The following TREML4 variants were observed in gnomAD, a reference collection of about 807,000 sequenced individuals.
The protein encoded by TREML4 is triggering receptor expressed on myeloid cells like 4.
In TREML4, 25 loss-of-function variants were observed where a neutral mutation model predicts 25.4. The observed-to-expected ratio is 0.98, with a 90% CI of 0.72 to 1.37. The LOEUF (loss-of-function observed/expected upper bound fraction) is 1.37. TREML4 is among the 40% of genes most tolerant of loss of function. The pLI is 0.00. For synonymous variants in TREML4, 92 were observed against 87.9 expected (o/e 1.05, Z -0.26); for missense variants, 268 against 236.5 (o/e 1.13, Z -0.87).
chr6:41,230,028 TG>T, intron 3 of TREML4, 33 bp from the exon 4 acceptor site: 1 of 1,569,628 alleles, frequency 6.4e-7, no homozygotes, highest in Non-Finnish European at 8.8e-7. Context: ...TCTGGTGCCC[TG>T]GGCAGCCACT....
chr6:41,229,171 A>G (rs2113936468), intron 2 of TREML4, 127 bp downstream of exon 2: 1 of 830,844 alleles, frequency 1.2e-6, no homozygotes, highest in East Asian at 2.6e-5. Flanking sequence ...GTCCAAGGGG[A>G]GCAAAGATCC....
rs367878972 is a variant in TREML4 at position 41,230,042 on chromosome 6, C to T, written c.446-20C>T. On this transcript the variant is annotated intron_variant, in intron 3 of 5. Transcript: ENST00000341495. ...TTCTGGTGCCCTGGGCAGCCACTGT[C>T]TTCTTTGTGTCCTCTTTAGTTCTGA... 2.5e-6 allele frequency: 4 copies of T among 1,602,360 alleles called. No homozygotes were observed. The highest frequency in any genetic ancestry group is 4.5e-5 in the East Asian group (2 of 44,808).
intron 4 of TREML4, among the ~76,000 whole-genome samples, 158 bp downstream of exon 4, chr6:41,230,280 T>C (rs967512146): frequency 3.9e-5 from 6 of 152,048 alleles, no homozygotes; most frequent in African/African-American, 1.4e-4. Context: ...TGACTCAAAA[T>C]TTGGTAGTGA....
rs773387739 is a variant in TREML4, at chr6:41,228,394, TCTCCTCCG to T, written c.-31_-24del. 7 of 1,561,148 alleles carry T rather than the reference TCTCCTCCG, an allele frequency of 4.5e-6. No individual in the cohort carries two copies. The African/African-American group carries it at 9.6e-5, about 21-fold the overall frequency. ...CCTGAGAGGGCTCCCTTTTTTCTCC[TCTCCTCCG>T]CTGTCAGAAACAGATCTGGGCTGGA... is the stretch of plus-strand genomic sequence containing the variant. On this transcript the variant is annotated 5_prime_UTR_variant, in exon 1 of 6. Coordinates refer to ENST00000341495, the MANE Select transcript of TREML4 (RefSeq NM_198153.3).
chr6:41,229,468 C>T (rs1161144587), intron 2 of TREML4, 53 bp from the exon 3 acceptor site: 9 of 1,594,104 alleles, frequency 5.6e-6, no homozygotes, highest in Non-Finnish European at 7.7e-6. Context: ...GGGGTAGACC[C>T]TACTCTCTTC....
At chr6:41,229,880 G>A (rs1178790465) in intron 3 of TREML4, among the ~76,000 whole-genome samples, 182 bp from the exon 4 acceptor site, 3 of 152,194 alleles carry the variant, frequency 2.0e-5, no homozygotes, top group Non-Finnish European at 4.4e-5. Context: ...AGCATGGAGA[G>A]GACAGTGCCA....
chr6:41,234,368 A>AT (rs1766860480), intron 4 of TREML4, among the ~76,000 whole-genome samples: 1 of 152,030 alleles, frequency 6.6e-6, no homozygotes, highest in Non-Finnish European at 1.5e-5. Flanking sequence ...CAAATTAATG[A>AT]GCTAAGGAAG....
intron 1 of TREML4, 85 bp downstream of exon 1, chr6:41,228,575 T>C (rs577991502): frequency 7.6e-5 from 115 of 1,519,128 alleles, no homozygotes; most frequent in African/African-American, 5.5e-4. Flanking sequence ...TGTGTGACCA[T>C]AGGACAGAAT....
Position 41,229,426 on chromosome 6 carries a change from C to T in TREML4, c.395-95C>T, listed in dbSNP as rs1199067507. The T allele has an allele frequency of 1.3e-5, 18 of 1,345,818 alleles. No homozygotes were observed. In the Admixed American group the frequency reaches 3.0e-4, roughly 23 times the overall value. The allele number at this position is 1,345,818 out of a possible 1,614,324, so 83.4% of individuals were successfully genotyped here. On this transcript the variant is annotated intron_variant, in intron 2 of 5. Transcript: ENST00000341495. ...TCCTGGCTTAAGACATCCTGAGGGT[C>T]TGGCTCTGGGCCCCTACCTCCTCTT...
Position 41,230,028 on chromosome 6 carries a change from T to C in TREML4, c.446-34T>C, listed in dbSNP as rs780381394. On this transcript the variant is annotated intron_variant, in intron 3 of 5. Coordinates refer to ENST00000341495, the MANE Select transcript of TREML4 (RefSeq NM_198153.3). ...AATCCCATTCTCTATTCTGGTGCCC[T>C]GGGCAGCCACTGTCTTCTTTGTGTC... 6 of 1,569,636 alleles carry C rather than the reference T, an allele frequency of 3.8e-6. No homozygotes were observed. The East Asian group carries it at 1.3e-4, about 35-fold the overall frequency.
chr6:41,232,268 G>A (rs945684611), intron 4 of TREML4: 1 of 266,492 alleles, frequency 3.8e-6, no homozygotes, highest in African/African-American at 2.2e-5. Flanking sequence ...ACTCAGCTAG[G>A]ATGAAAAGTA....
chr6:41,231,241 T>TC, intron 4 of TREML4: 1 of 191,716 alleles, frequency 5.2e-6, no homozygotes, highest in Non-Finnish European at 1.2e-5. Context: ...TCCCCGACTC[T>TC]CAGGTCCATG....
chr6:41,236,163 C>T (rs1478335438), intron 4 of TREML4, among the ~76,000 whole-genome samples: 3 of 104,082 alleles, frequency 2.9e-5, no homozygotes, highest in Non-Finnish European at 6.4e-5. Context: ...TTCCTAAGGT[C>T]GGATGGTCCC....
chr6:41,230,715 A>G (rs188570369), intron 4 of TREML4, among the ~76,000 whole-genome samples: 219 of 152,338 alleles, frequency 1.4e-3, no homozygotes, highest in African/African-American at 4.9e-3. Context: ...CAGCACGGGT[A>G]GATTACAAAC....
At position 41,229,166 on chromosome 6, in the gene TREML4, A is replaced by G. The variant is rs1204663391; in HGVS notation, c.394+122A>G. The G allele has an allele frequency of 4.7e-6, 4 of 850,318 alleles. No individual in the cohort carries two copies. In the South Asian group the frequency reaches 5.2e-5, roughly 11 times the overall value. 52.7% of individuals were successfully genotyped at this position (850,318 alleles called of 1,614,324 possible). Reference sequence around the variant, plus strand: ...CTGCCAGGTATTCTGCTGTGGTCCAAGGGGAGCAAAGATCCTGTCCCCAAA... The same window carrying G: ...CTGCCAGGTATTCTGCTGTGGTCCAGGGGGAGCAAAGATCCTGTCCCCAAA... On this transcript the variant is annotated intron_variant, in intron 2 of 5. Transcript: ENST00000341495.
chr6:41,232,852 G>A (rs931189698), intron 4 of TREML4, among the ~76,000 whole-genome samples: 5 of 152,198 alleles, frequency 3.3e-5, no homozygotes, highest in Non-Finnish European at 7.3e-5. Context: ...GATGGGGAGT[G>A]GCTGTAAATA....
chr6:41,229,449 C>G lies in TREML4; in HGVS notation c.395-72C>G, dbSNP rs73735807. On this transcript the variant is annotated intron_variant, in intron 2 of 5. Transcript: ENST00000341495. ...GTCTGGCTCTGGGCCCCTACCTCCT[C>G]TTATGTATGGGGTAGACCCTACTCT... 851 of 1,552,934 alleles carry G rather than the reference C, an allele frequency of 5.5e-4. 2 individuals are homozygous for G. In the African/African-American group the frequency reaches 7.3e-3, roughly 13 times the overall value.
intron 4 of TREML4, 79 bp from the exon 5 acceptor site, chr6:41,236,407 C>A: frequency 3.2e-6 from 4 of 1,246,326 alleles, no homozygotes; most frequent in Non-Finnish European, 4.7e-6. Flanking sequence ...CTACAAGGGG[C>A]CTGCCTGGCT....
chr6:41,228,376 G>C lies in TREML4; in HGVS notation c.-52G>C, dbSNP rs1561900409. ...ACCCAGCGTCTGACTCCTCCTGAGA[G>C]GGCTCCCTTTTTTCTCCTCTCCTCC... On this transcript the variant is annotated 5_prime_UTR_variant, in exon 1 of 6. Transcript: ENST00000341495. The C allele has an allele frequency of 7.0e-7, 1 of 1,422,964 alleles. No individual in the cohort carries two copies. Among genetic ancestry groups the C allele is most frequent in the African/African-American group, 1.4e-5 (1 of 70,240 alleles). 88.1% of individuals were successfully genotyped at this position (1,422,964 alleles called of 1,614,324 possible).
Sources: allele counts gnomAD v4.1 joint callset (sites outside exome capture counted in the v4.1 genomes callset), GRCh38; gene constraint gnomAD v4.1.1; transcripts MANE v1.5; gene names NCBI Gene and HGNC (gene_info 2026-07-23, HGNC 2026-07-21).